Variants in HUS1 observed in about 807,000 individuals in gnomAD.
The protein encoded by HUS1 is HUS1 checkpoint clamp component.
Under a neutral mutation model 32.6 loss-of-function variants are expected in HUS1, and 31 were observed. That is an observed-to-expected ratio of 0.95 (90% CI 0.72 to 1.28). The LOEUF (loss-of-function observed/expected upper bound fraction) is 1.28, where lower values mean the gene tolerates loss of function less well. Among genes scored for constraint, HUS1 ranks in the 50% most tolerant of loss-of-function variants. The pLI, the probability that HUS1 is intolerant of heterozygous loss-of-function variation, is 0.00. For synonymous variants in HUS1, 123 were observed against 116.6 expected (o/e 1.06, Z -0.36); for missense variants, 340 against 337.7 (o/e 1.01, Z -0.05).
intron 3 of HUS1, among the ~76,000 whole-genome samples, chr7:47,977,633 T>G (rs1788732988): frequency 6.6e-6 from 1 of 152,218 alleles, no homozygotes; most frequent in African/African-American, 2.4e-5. Context: ...GGCTCATGCC[T>G]ACAATCGCAG....
chr7:47,971,554 T>G (rs1351931188), intron 5 of HUS1: 1 of 456,688 alleles, frequency 2.2e-6, no homozygotes, highest in Non-Finnish European at 4.4e-6. Context: ...GGTTTGAGGT[T>G]TTGCTAACCT....
chr7:47,972,808 C>T (rs1788625359), intron 5 of HUS1, among the ~76,000 whole-genome samples: 1 of 152,144 alleles, frequency 6.6e-6, no homozygotes, highest in Non-Finnish European at 1.5e-5. Flanking sequence ...GACTCCTAAA[C>T]ATAGACTCTG....
In HUS1 at chr7:47,975,673, T is replaced by C. The variant is rs759420995; in HGVS notation, c.480A>G (p.Leu160=). The C allele has an allele frequency of 1.3e-6, 2 of 1,588,392 alleles. No individual in the cohort carries two copies. Among genetic ancestry groups the C allele is most frequent in the Admixed American group, 1.7e-5 (1 of 58,048 alleles). The change falls in exon 5 of 8, where the codon TTA becomes TTG. Residue 160 remains leucine (L), a synonymous_variant. Coordinates refer to ENST00000258774, the MANE Select transcript of HUS1 (RefSeq NM_004507.4). ...CACTCTTCATAGTCTTCAAGACTGG[T>C]AAATAAATACTAACCTACAAAACCA... The part of the protein sequence containing the change: ...VVPDPDVSIY[L]PVLKTMKSVV...
chr7:47,977,152 CCA>C (rs981956759), intron 3 of HUS1, among the ~76,000 whole-genome samples: 10 of 152,108 alleles, frequency 6.6e-5, no homozygotes, highest in South Asian at 2.1e-4. Context: ...AGAAAGCACT[CCA>C]CAGAGACCAG....
At chr7:47,965,809 A>G (rs1788466509) in intron 7 of HUS1, among the ~76,000 whole-genome samples, 1 of 152,104 alleles carries the variant, frequency 6.6e-6, no homozygotes, top group African/African-American at 2.4e-5. Context: ...GGATCCCCCA[A>G]CACCTGGGGC....
chr7:47,975,704 A>G lies in HUS1; in HGVS notation c.466-17T>C, dbSNP rs1336973151. 1 of 1,447,072 alleles carries G rather than the reference A, an allele frequency of 6.9e-7. No individual in the cohort carries two copies. Among genetic ancestry groups the G allele is most frequent in the African/African-American group, 1.4e-5 (1 of 70,762 alleles). The allele number at this position is 1,447,072 out of a possible 1,614,324, so 89.6% of individuals were successfully genotyped here. On this transcript the variant is annotated splice_polypyrimidine_tract_variant and intron_variant, in intron 4 of 7. Coordinates refer to ENST00000258774, the MANE Select transcript of HUS1 (RefSeq NM_004507.4). ...AATACTAACCTACAAAACCAATGAG[A>G]AAAAAGCACAAGTATTAAAAATATT...
rs1010582097 is a variant in HUS1 at position 47,978,144 on chromosome 7, G to C, written c.357+273C>G. On this transcript the variant is annotated intron_variant, in intron 3 of 7. Coordinates refer to ENST00000258774, the MANE Select transcript of HUS1 (RefSeq NM_004507.4). ...ATGGATAGAGAAACCATGATTTCTA[G>C]ACAAGGTGACAATACCACTACAAGA... 45 of 342,770 alleles carry C rather than the reference G, an allele frequency of 1.3e-4. 1 individual carries two copies. In the Middle Eastern group the frequency reaches 2.6e-3, roughly 20 times the overall value. 21.2% of individuals were successfully genotyped at this position (342,770 alleles called of 1,614,324 possible).
At chr7:47,979,441 T>C (rs372101184) in intron 1 of HUS1, 27 bp downstream of exon 1, 6 of 1,612,730 alleles carry the variant, frequency 3.7e-6, no homozygotes, top group African/African-American at 1.3e-5. Flanking sequence ...CGTTCCTCCC[T>C]CGCTCCTCTC....
At chr7:47,978,350 A>T in intron 3 of HUS1, 67 bp downstream of exon 3, 2 of 1,349,782 alleles carry the variant, frequency 1.5e-6, no homozygotes, top group Non-Finnish European at 2.1e-6. Flanking sequence ...TAAAAAGGCT[A>T]GGCTAACTAT....
chr7:47,971,381 T>C (rs2708864), intron 5 of HUS1: 333,203 of 428,396 alleles, frequency 0.78, 130,963 homozygotes, highest in East Asian at 0.98. Context: ...CATCCCCTCA[T>C]ATACCATCGG....
rs994233001 is a variant in HUS1, at chr7:47,964,565, C to T, written c.*791G>A. On this transcript the variant is annotated 3_prime_UTR_variant, in exon 8 of 8. Transcript: ENST00000258774. ...TCTCATCACTTAACACAGATGATACCTTAGAAGTTTCGTTTGTTTCTACTC... is the reference window on the plus strand; with the variant it reads ...TCTCATCACTTAACACAGATGATACTTTAGAAGTTTCGTTTGTTTCTACTC... 2.2e-4 allele frequency: 33 copies of T among 152,162 alleles called. No homozygotes were observed. Among genetic ancestry groups the T allele is most frequent in the African/African-American group, 7.2e-4 (30 of 41,412 alleles). 9.4% of individuals were successfully genotyped at this position (152,162 alleles called of 1,614,324 possible).
chr7:47,975,275 G>A (rs1411718534), intron 5 of HUS1, among the ~76,000 whole-genome samples: 9 of 147,102 alleles, frequency 6.1e-5, no homozygotes, highest in South Asian at 4.3e-4. Flanking sequence ...GTGAGATGGC[G>A]CCATTGCACT....
At chr7:47,977,534 AC>A (rs1788730558) in intron 3 of HUS1, among the ~76,000 whole-genome samples, 1 of 152,052 alleles carries the variant, frequency 6.6e-6, no homozygotes, top group African/African-American at 2.4e-5. Context: ...CCAAACTTAT[AC>A]TGTGACATGA....
chr7:47,967,501 C>T (rs1197096012), intron 7 of HUS1, among the ~76,000 whole-genome samples: 11 of 152,236 alleles, frequency 7.2e-5, no homozygotes, highest in South Asian at 6.2e-4. Flanking sequence ...CCCATTCTCC[C>T]GATGGCATCT....
Position 47,972,658 on chromosome 7 carries a change from A to T in HUS1, c.540+2955T>A, listed in dbSNP as rs3176553. On this transcript the variant is annotated intron_variant, in intron 5 of 7. Transcript: ENST00000258774. Reference sequence around the variant, plus strand: ...TAGTAAAAATTATCTCTAAATTTTTAAAAACTGACGAAGCCCCTGTCATAG... The same window carrying T: ...TAGTAAAAATTATCTCTAAATTTTTTAAAACTGACGAAGCCCCTGTCATAG... Among the ~76,000 whole-genome samples the T allele has an allele frequency of 7.6e-3, 1,153 of 152,368 alleles. 21 individuals are homozygous for T. The highest frequency in any genetic ancestry group is 0.026 in the African/African-American group (1,083 of 41,586).
chr7:47,978,640 C>T (rs1233376465), intron 2 of HUS1, 47 bp from the exon 3 acceptor site: 3 of 1,612,554 alleles, frequency 1.9e-6, no homozygotes, highest in Admixed American at 1.7e-5. Context: ...TGTGATCTTT[C>T]CAGTGACAAT....
chr7:47,978,295 CTTTAAA>C, intron 3 of HUS1, 116 bp downstream of exon 3: 1 of 844,680 alleles, frequency 1.2e-6, no homozygotes, highest in Admixed American at 2.5e-5. Context: ...TGGACCAGAT[CTTTAAA>C]TTTAAATAAA....
At position 47,964,964 on chromosome 7, in the gene HUS1, C is replaced by T. The variant is rs3176609; in HGVS notation, c.*392G>A. 7,344 of 190,304 alleles carry T rather than the reference C, an allele frequency of 0.039. 554 individuals are homozygous for T. The highest frequency in any genetic ancestry group is 0.16 in the African/African-American group (6,861 of 43,100). 11.8% of individuals were successfully genotyped at this position (190,304 alleles called of 1,614,324 possible). On this transcript the variant is annotated 3_prime_UTR_variant, in exon 8 of 8. Coordinates refer to ENST00000258774, the MANE Select transcript of HUS1 (RefSeq NM_004507.4). ...TGCAAGACTGACTGTGCGCTACAGGCCGTGCTGAGCTAGAGCCTCTGCCTG... is the reference window on the plus strand; with the variant it reads ...TGCAAGACTGACTGTGCGCTACAGGTCGTGCTGAGCTAGAGCCTCTGCCTG...
At chr7:47,965,540 G>A in intron 7 of HUS1, 102 bp from the exon 8 acceptor site, 2 of 745,680 alleles carry the variant, frequency 2.7e-6, no homozygotes, top group Non-Finnish European at 4.6e-6. Context: ...TCCTGTTTTA[G>A]GCATCTGTCT....
Sources: gnomAD v4.1 joint callset for allele counts (sites outside exome capture counted in the v4.1 genomes callset) on GRCh38, gnomAD v4.1.1 for gene constraint, MANE v1.5 for transcripts, NCBI Gene and HGNC (gene_info 2026-07-23, HGNC 2026-07-21) for gene names.